Variants in TMC8 observed in about 807,000 individuals in gnomAD.
The protein encoded by TMC8 is transmembrane channel-like protein 8.
A neutral mutation model predicts 76.0 loss-of-function variants in TMC8; 71 were observed. The ratio of observed to expected loss-of-function variants is 0.93; its 90% CI spans 0.77 to 1.14. TMC8 has a LOEUF of 1.14. Among genes scored for constraint, TMC8 ranks in the 50% most tolerant of loss-of-function variants. The pLI, the probability that TMC8 is intolerant of heterozygous loss-of-function variation, is 0.00. For missense variants in TMC8, 924 were observed against 947.9 expected (o/e 0.97, Z 0.33); for synonymous variants, 433 against 433.8 (o/e 1.00, Z 0.02).
intron 7 of TMC8, 131 bp downstream of exon 7, chr17:78,134,131 G>T: frequency 7.3e-7 from 1 of 1,361,212 alleles, no homozygotes; most frequent in Non-Finnish European, 1.0e-6. Flanking sequence ...GTGTGGGAGG[G>T]AGCCTGTGGG....
intron 14 of TMC8, 132 bp downstream of exon 14, chr17:78,138,864 A>G (rs755989213): frequency 3.9e-6 from 6 of 1,542,162 alleles, no homozygotes; most frequent in Non-Finnish European, 5.2e-6. Context: ...GGGGCCTCTG[A>G]AAAGCAGGAA....
In TMC8 at chr17:78,140,883, C is replaced by T; in HGVS notation, c.1952C>T (p.Pro651Leu). ...GTGGAGGACCTGTCGCGACTGCTGC[C>T]GGAGCCAGGCCCGAGCGACTCTCCG... is the stretch of plus-strand genomic sequence containing the variant. ...HLVEDLSRLL[P>L]EPGPSDSPGP... Residue 651 changes from proline (P) to leucine (L), a missense_variant, in exon 16 of 16, where the codon CCG becomes CTG. Coordinates refer to ENST00000318430, the MANE Select transcript of TMC8 (RefSeq NM_152468.5). 1 of 1,609,834 alleles carries T rather than the reference C, an allele frequency of 6.2e-7. No homozygotes were observed. Among genetic ancestry groups the T allele is most frequent in the Non-Finnish European group, 8.5e-7 (1 of 1,178,820 alleles).
chr17:78,139,597 A>C (rs1226027081), intron 15 of TMC8, among the ~76,000 whole-genome samples: 1 of 152,100 alleles, frequency 6.6e-6, no homozygotes, highest in Admixed American at 6.5e-5. Context: ...AATTTTTTAA[A>C]AGGAGAATGT....
chr17:78,131,166 GGGGTGACGGT>G (rs2074954197), intron 1 of TMC8, 105 bp from the exon 2 acceptor site: 1 of 303,352 alleles, frequency 3.3e-6, no homozygotes, highest in Admixed American at 4.8e-5. Context: ...GTCTCTCCTT[GGGGTGACGGT>G]GGGCCCAGGC....
intron 14 of TMC8, 118 bp from the exon 15 acceptor site, chr17:78,139,044 T>G: frequency 1.3e-6 from 2 of 1,582,210 alleles, no homozygotes; most frequent in African/African-American, 2.7e-5. Context: ...TACAGCAGTG[T>G]GCAGTGAGAA....
chr17:78,138,904 G>A, intron 14 of TMC8, 172 bp downstream of exon 14: 1 of 1,536,536 alleles, frequency 6.5e-7, no homozygotes, highest in Non-Finnish European at 8.7e-7. Context: ...GGGCTGCCAT[G>A]GGGATTGCAG....
Position 78,140,994 on chromosome 17 carries a change from C to T in TMC8, c.2063C>T (p.Ala688Val). 6.3e-7 allele frequency: 1 copy of T among 1,592,492 alleles called. No individual in the cohort carries two copies. The highest frequency in any genetic ancestry group is 8.5e-7 in the Non-Finnish European group (1 of 1,170,536). ...TGCCCTGGCTCCCCGGGCCACCAGG[C>T]CCCGCGGCCGGGCCCCTCCGTCGTG... Reference protein sequence around the residue: ...CPCPGSPGHQAPRPGPSVVDA... With the variant: ...CPCPGSPGHQVPRPGPSVVDA... The change falls in exon 16 of 16, where the codon GCC (alanine) becomes GTC (valine). Residue 688 changes from alanine (A) to valine (V), a missense_variant. Coordinates refer to ENST00000318430, the MANE Select transcript of TMC8 (RefSeq NM_152468.5).
In TMC8 at chr17:78,141,334, T is replaced by C. The variant is rs2075369361; in HGVS notation, c.*222T>C. On this transcript the variant is annotated 3_prime_UTR_variant, in exon 16 of 16. Coordinates refer to ENST00000318430, the MANE Select transcript of TMC8 (RefSeq NM_152468.5). ...TTTAAAATGTCTATTTTTTATTGTGTTTTTTATAATATACATAATCTATTA... is the reference window on the plus strand; with the variant it reads ...TTTAAAATGTCTATTTTTTATTGTGCTTTTTATAATATACATAATCTATTA... 3.1e-6 allele frequency: 1 copy of C among 326,324 alleles called. No homozygotes were observed. Among genetic ancestry groups the C allele is most frequent in the Non-Finnish European group, 4.9e-6 (1 of 202,692 alleles). 20.2% of individuals were successfully genotyped at this position (326,324 alleles called of 1,614,324 possible). A position where few individuals can be genotyped will look rare whatever the true frequency, so the allele number is the denominator to read the frequency against.
chr17:78,134,370 C>T (rs745825312), intron 7 of TMC8, 24 bp from the exon 8 acceptor site: 37 of 1,606,638 alleles, frequency 2.3e-5, no homozygotes, highest in Middle Eastern at 3.3e-4. Flanking sequence ...CTGCAGCTGC[C>T]TCTGTCCCCA....
intron 8 of TMC8, 56 bp from the exon 9 acceptor site, chr17:78,134,814 G>A (rs2075178088): frequency 1.2e-6 from 2 of 1,609,238 alleles, no homozygotes; most frequent in Non-Finnish European, 1.7e-6. Context: ...TGGGGGGCGG[G>A]GAGCAGACAG....
Position 78,132,623 on chromosome 17 carries a change from C to A in TMC8, c.448+115C>A, listed in dbSNP as rs1219594884. 34 of 1,512,566 alleles carry A rather than the reference C, an allele frequency of 2.2e-5. No homozygotes were observed. The East Asian group carries it at 7.7e-4, about 34-fold the overall frequency. The allele number at this position is 1,512,566 out of a possible 1,614,324, so 93.7% of individuals were successfully genotyped here. On this transcript the variant is annotated intron_variant, in intron 4 of 15. Coordinates refer to ENST00000318430, the MANE Select transcript of TMC8 (RefSeq NM_152468.5). ...TGGGCGTGGTCCTGCCGTGCAGGCC[C>A]CGGGGCTCTCTCTCCCTGACCTCGC...
At position 78,137,757 on chromosome 17, in the gene TMC8, G is replaced by T; in HGVS notation, c.1292G>T (p.Ser431Ile). The part of the protein sequence containing the change: ...NSVGEELYKL[S>I]IFNFLLTVAF... ...GTGGGGGAGGAGCTGTACAAGCTGA[G>T]TATCTTCAACTTCCTCCTCACCGTG... The change falls in exon 11 of 16, where the codon AGT (serine) becomes ATT (isoleucine). Residue 431 changes from serine (S) to isoleucine (I), a missense_variant. Transcript: ENST00000318430. 1 of 1,613,686 alleles carries T rather than the reference G, an allele frequency of 6.2e-7. No homozygotes were observed. Among genetic ancestry groups the T allele is most frequent in the African/African-American group, 1.3e-5 (1 of 75,056 alleles).
Position 78,138,458 on chromosome 17 carries a change from C to T in TMC8, c.1643C>T (p.Pro548Leu). ...LLLGLLLAAV[P>L]LGYVVSSIHS... ...CTGGGCCTGCTTCTGGCTGCAGTGC[C>T]CCTGGGCTATGTGGTCAGCAGGTGA... Residue 548 changes from proline to leucine, a missense_variant, in exon 13 of 16, where the codon CCC becomes CTC. Physicochemically the swap from Pro to Leu is moderately conservative, Grantham distance 98 (BLOSUM62 -3). Transcript: ENST00000318430. 1 of 1,613,304 alleles carries T rather than the reference C, an allele frequency of 6.2e-7. No individual in the cohort carries two copies. The highest frequency in any genetic ancestry group is 8.5e-7 in the Non-Finnish European group (1 of 1,179,994).
intron 11 of TMC8, 75 bp downstream of exon 11, chr17:78,137,889 A>G: frequency 6.3e-7 from 1 of 1,598,676 alleles, no homozygotes. Flanking sequence ...GGCTACAGCC[A>G]AGGGTGAGCG....
At chr17:78,138,777 G>A (rs770576033) in intron 14 of TMC8, 45 bp downstream of exon 14, 2 of 1,599,168 alleles carry the variant, frequency 1.3e-6, no homozygotes, top group South Asian at 2.2e-5. Context: ...CCTGGAGGGG[G>A]AGGTCCTTCC....
chr17:78,133,992 G>A lies in TMC8; in HGVS notation c.808G>A (p.Glu270Lys), dbSNP rs767262179. The A allele has an allele frequency of 1.1e-5, 18 of 1,613,746 alleles. No individual in the cohort carries two copies. The highest frequency in any genetic ancestry group is 1.1e-4 in the South Asian group (10 of 91,086). ...CATCAAGAAGCATGAGATCAGCAACGAGTTCAAGGTGTGTGCACGAGTGAG... is the reference window on the plus strand; with the variant it reads ...CATCAAGAAGCATGAGATCAGCAACAAGTTCAAGGTGTGTGCACGAGTGAG... The part of the protein sequence containing the change: ...ATIKKHEISN[E>K]FKVELEEGRR... The change falls in exon 7 of 16, where the codon GAG becomes AAG. Residue 270 changes from glutamate to lysine, a missense_variant. Physicochemically the swap from Glu to Lys is moderately conservative, Grantham distance 56 (BLOSUM62 1). Coordinates refer to ENST00000318430, the MANE Select transcript of TMC8 (RefSeq NM_152468.5).
Position 78,137,374 on chromosome 17 carries a change from G to A in TMC8, c.1251+16G>A, listed in dbSNP as rs1314194229. 1.9e-6 allele frequency: 3 copies of A among 1,613,696 alleles called. No individual in the cohort carries two copies. The highest frequency in any genetic ancestry group is 1.7e-5 in the Admixed American group (1 of 60,016). ...TGACTATCAGGTGGCTGGCAGCCCG[G>A]CGGGGCCTGTCCCTCCCTTCCTTCT... On this transcript the variant is annotated intron_variant, in intron 10 of 15. Transcript: ENST00000318430.
At chr17:78,136,070 CA>C (rs1314739177) in intron 9 of TMC8, among the ~76,000 whole-genome samples, 1 of 151,894 alleles carries the variant, frequency 6.6e-6, no homozygotes, top group South Asian at 2.1e-4. Flanking sequence ...GAAAACAAAA[CA>C]AAAAAAGCTC....
At position 78,140,821 on chromosome 17, in the gene TMC8, G is replaced by A. The variant is rs2075357684; in HGVS notation, c.1903-13G>A. Reference sequence around the variant, plus strand: ...CAGCGCCTGTCGCAACTCGCCACTTGTTCTCCTCACAGCAGGTTCAGGAGA... The same window carrying A: ...CAGCGCCTGTCGCAACTCGCCACTTATTCTCCTCACAGCAGGTTCAGGAGA... On this transcript the variant is annotated splice_polypyrimidine_tract_variant and intron_variant, in intron 15 of 15. Coordinates refer to ENST00000318430, the MANE Select transcript of TMC8 (RefSeq NM_152468.5). The A allele has an allele frequency of 2.5e-6, 4 of 1,601,676 alleles. No individual in the cohort carries two copies. Among genetic ancestry groups the A allele is most frequent in the Middle Eastern group, 1.7e-4 (1 of 6,002 alleles).
Sources: gnomAD v4.1 joint callset for allele counts (sites outside exome capture counted in the v4.1 genomes callset) on GRCh38, gnomAD v4.1.1 for gene constraint, MANE v1.5 for transcripts, NCBI Gene and HGNC (gene_info 2026-07-23, HGNC 2026-07-21) for gene names.